The following NOL4 variants were observed in gnomAD, a reference collection of about 807,000 sequenced individuals.
NOL4 encodes nucleolar protein 4.
A neutral mutation model predicts 75.9 loss-of-function variants in NOL4; 17 were observed. That is an observed-to-expected ratio of 0.22 (90% confidence interval 0.15 to 0.34). The LOEUF is 0.34. NOL4 is among the 10% of genes least tolerant of loss of function. The pLI, the probability that NOL4 is intolerant of heterozygous loss-of-function variation, is 1.00. For synonymous variants in NOL4, 292 were observed against 289.9 expected (o/e 1.01, Z -0.07); for missense variants, 614 against 793.5 (o/e 0.77, Z 2.72).
chr18:34,159,682 C>T (rs1158076621), intron 1 of NOL4, among the ~76,000 whole-genome samples: 1 of 152,162 alleles, frequency 6.6e-6, no homozygotes, highest in Non-Finnish European at 1.5e-5. Context: ...CCCGACCCGA[C>T]CAACGGCAGC....
chr18:34,015,314 C>T (rs2074620650), intron 6 of NOL4, among the ~76,000 whole-genome samples: 2 of 152,000 alleles, frequency 1.3e-5, no homozygotes, highest in South Asian at 4.1e-4. Context: ...TCAAATTTCC[C>T]ACTAATTCTG....
At chr18:33,910,138 C>T (rs2066307353) in intron 9 of NOL4, among the ~76,000 whole-genome samples, 1 of 152,130 alleles carries the variant, frequency 6.6e-6, no homozygotes, top group Non-Finnish European at 1.5e-5. Flanking sequence ...TTAATTGTGC[C>T]ACGTAGTATT....
intron 6 of NOL4, among the ~76,000 whole-genome samples, chr18:34,001,136 G>C (rs1313367641): frequency 1.3e-5 from 2 of 152,080 alleles, no homozygotes. Flanking sequence ...TTGTAATTCA[G>C]TTATTCCTAG....
rs116815728 is a variant in NOL4 at position 34,156,374 on chromosome 18, A to G, written c.265-26354T>C. Among the ~76,000 whole-genome samples, 1,195 of 152,306 alleles carry G rather than the reference A, an allele frequency of 7.8e-3. 9 individuals are homozygous for G. Among genetic ancestry groups the G allele is most frequent in the African/African-American group, 0.027 (1,136 of 41,550 alleles). Reference sequence around the variant, plus strand: ...AACAATTTGCCCAAGTGACACTGCTAGTAAGTCATTGGAGCATGGCTATGA... The same window carrying G: ...AACAATTTGCCCAAGTGACACTGCTGGTAAGTCATTGGAGCATGGCTATGA... On this transcript the variant is annotated intron_variant, in intron 1 of 10. Coordinates refer to ENST00000261592, the MANE Select transcript of NOL4 (RefSeq NM_003787.5).
At chr18:34,010,710 G>A (rs1389810588) in intron 6 of NOL4, among the ~76,000 whole-genome samples, 5 of 151,708 alleles carry the variant, frequency 3.3e-5, no homozygotes, top group Non-Finnish European at 7.4e-5. Context: ...ATCCTTGCCA[G>A]TATTCATTAT....
intron 2 of NOL4, among the ~76,000 whole-genome samples, chr18:34,125,728 T>G (rs2080354009): frequency 6.6e-6 from 1 of 152,036 alleles, no homozygotes; most frequent in African/African-American, 2.4e-5. Context: ...AAAGGAATAT[T>G]CCATTCATAT....
intron 2 of NOL4, among the ~76,000 whole-genome samples, chr18:34,109,171 G>A (rs4447493): frequency 0.87 from 132,758 of 152,016 alleles, 58,090 homozygotes; most frequent in East Asian, 0.96. Flanking sequence ...TATGAAATAC[G>A]GCAAAAGCAG....
At chr18:34,070,221 C>T (rs1002733479) in intron 5 of NOL4, among the ~76,000 whole-genome samples, 20 of 152,256 alleles carry the variant, frequency 1.3e-4, no homozygotes, top group African/African-American at 4.6e-4. Flanking sequence ...TTAGTAGAGA[C>T]GGGGTTTCAC....
intron 5 of NOL4, among the ~76,000 whole-genome samples, chr18:34,044,039 T>C (rs1277756124): frequency 6.6e-6 from 1 of 152,172 alleles, no homozygotes; most frequent in East Asian, 1.9e-4. Context: ...ACTGTGTATG[T>C]GTATGAAATT....
rs147612271 is a variant in NOL4, at chr18:33,977,997, G to A, written c.1057-19579C>T. Among the ~76,000 whole-genome samples the A allele has an allele frequency of 4.4e-4, 67 of 152,202 alleles. 1 individual carries two copies. In the East Asian group the frequency reaches 0.01, roughly 23 times the overall value. On this transcript the variant is annotated intron_variant, in intron 6 of 10. Coordinates refer to ENST00000261592, the MANE Select transcript of NOL4 (RefSeq NM_003787.5). ...CATGCATGGAAAGTTGCTATGGGCT[G>A]GTGCTGGAACTGCATTTTTCTCTCC...
intron 5 of NOL4, among the ~76,000 whole-genome samples, chr18:34,045,040 A>T (rs1413662203): frequency 6.6e-6 from 1 of 152,040 alleles, no homozygotes; most frequent in Non-Finnish European, 1.5e-5. Context: ...CTATCTTTTC[A>T]TCTGTTATTT....
chr18:33,854,692 G>C (rs2062763498), intron 10 of NOL4, among the ~76,000 whole-genome samples: 1 of 151,336 alleles, frequency 6.6e-6, no homozygotes, highest in Non-Finnish European at 1.5e-5. Flanking sequence ...GATATTGAAA[G>C]GGTTTTCCTC....
intron 1 of NOL4, among the ~76,000 whole-genome samples, chr18:34,207,767 C>T (rs1011066663): frequency 5.3e-5 from 8 of 152,134 alleles, no homozygotes; most frequent in African/African-American, 1.9e-4. Context: ...GAACATGTAG[C>T]CCTGAAAAAG....
intron 1 of NOL4, among the ~76,000 whole-genome samples, chr18:34,203,301 G>T (rs1231644841): frequency 6.6e-6 from 1 of 151,874 alleles, no homozygotes; most frequent in Non-Finnish European, 1.5e-5. Context: ...GGAAAGAGGT[G>T]GATGTGATTA....
intron 9 of NOL4, among the ~76,000 whole-genome samples, chr18:33,933,475 T>C (rs1016176888): frequency 5.9e-5 from 9 of 152,196 alleles, no homozygotes; most frequent in African/African-American, 1.4e-4. Context: ...AACTGTTTGA[T>C]AGTATTTTGC....
At chr18:33,901,849 G>C (rs945777974) in intron 9 of NOL4, among the ~76,000 whole-genome samples, 1 of 152,056 alleles carries the variant, frequency 6.6e-6, no homozygotes, top group South Asian at 2.1e-4. Context: ...AGGTGATATG[G>C]AGATTATTTA....
At chr18:34,207,620 T>G (rs2036212707) in intron 1 of NOL4, among the ~76,000 whole-genome samples, 1 of 152,202 alleles carries the variant, frequency 6.6e-6, no homozygotes, top group Admixed American at 6.5e-5. Context: ...ATCTTCTCTT[T>G]GGAATTTCCC....
chr18:34,097,815 C>T (rs896102278), intron 4 of NOL4, among the ~76,000 whole-genome samples: 1 of 151,958 alleles, frequency 6.6e-6, no homozygotes, highest in Non-Finnish European at 1.5e-5. Flanking sequence ...ATATCACATT[C>T]CTTAGGATAA....
Position 34,112,161 on chromosome 18 carries a change from G to A in NOL4, c.415-7001C>T, listed in dbSNP as rs552884880. On this transcript the variant is annotated intron_variant, in intron 2 of 10. Transcript: ENST00000261592. ...AGGCAGGTGAATCACCAGAGGTCAG[G>A]AGTTCGAGACCAGCCTGGCCAACAT... Among the ~76,000 whole-genome samples, 9 of 152,206 alleles carry A rather than the reference G, an allele frequency of 5.9e-5. No homozygotes were observed. The East Asian group carries it at 1.7e-3, about 29-fold the overall frequency.
Sources: allele counts gnomAD v4.1 joint callset (sites outside exome capture counted in the v4.1 genomes callset), GRCh38; gene constraint gnomAD v4.1.1; transcripts MANE v1.5; gene names NCBI Gene and HGNC (gene_info 2026-07-23, HGNC 2026-07-21).